KIF21B: variants seen among roughly 807,000 people sequenced by gnomAD.
KIF21B encodes the protein kinesin-like protein KIF21B.
KIF21B carries 85 observed loss-of-function variants against 192.9 expected under a neutral mutation model. The observed-to-expected ratio is 0.44, with a 90% CI of 0.37 to 0.53. The LOEUF is 0.53. Among genes scored for constraint, KIF21B ranks in the 20% least tolerant of loss-of-function variants. KIF21B has a pLI of 0.00. For synonymous variants in KIF21B, 832 were observed against 884.6 expected, an observed-to-expected ratio of 0.94 and a Z score of 1.05; for missense variants, 1,716 against 2,194.8, an observed-to-expected ratio of 0.78 and a Z score of 4.36.
intron 3 of KIF21B, 35 bp downstream of exon 3, chr1:201,008,734 G>A: frequency 1.3e-6 from 2 of 1,543,642 alleles, no homozygotes. Context: ...TGTCCACCAA[G>A]CCTCCCACCT....
rs1340174374 is a variant in KIF21B at position 200,971,277 on chromosome 1, C to T, written c.*2244G>A. On this transcript the variant is annotated 3_prime_UTR_variant, in exon 35 of 35. Coordinates refer to ENST00000461742, the MANE Select transcript of KIF21B (RefSeq NM_001252102.2). ...AAGTTTAGAGAGTCAATGACACTTGCCAGGACAGCAGAGCTGGCCCCGCCG... is the reference window on the plus strand; with the variant it reads ...AAGTTTAGAGAGTCAATGACACTTGTCAGGACAGCAGAGCTGGCCCCGCCG... 6.6e-6 allele frequency: 1 copy of T among 152,662 alleles called. No homozygotes were observed. Among genetic ancestry groups the T allele is most frequent in the African/African-American group, 2.4e-5 (1 of 41,468 alleles). 9.5% of individuals were successfully genotyped at this position (152,662 alleles called of 1,614,324 possible).
chr1:200,973,493 G>A lies in KIF21B; in HGVS notation c.*28C>T. The A allele has an allele frequency of 1.4e-6, 2 of 1,436,138 alleles. No individual in the cohort carries two copies. The highest frequency in any genetic ancestry group is 9.1e-7 in the Non-Finnish European group (1 of 1,104,348). The allele number at this position is 1,436,138 out of a possible 1,614,324, so 89.0% of individuals were successfully genotyped here. ...GGTGTCCAGGCTGCTGGGGTCGAGG[G>A]TCCGGGGGCATCCCTCTGACCTCAC... On this transcript the variant is annotated 3_prime_UTR_variant, in exon 35 of 35. Transcript: ENST00000461742.
chr1:201,021,722 A>T (rs567621386), intron 1 of KIF21B, among the ~76,000 whole-genome samples: 1 of 152,270 alleles, frequency 6.6e-6, no homozygotes, highest in Non-Finnish European at 1.5e-5. Context: ...CTCTCCAGCA[A>T]GATGGAATCT....
intron 1 of KIF21B, among the ~76,000 whole-genome samples, chr1:201,019,459 G>C (rs777926306): frequency 2.6e-5 from 4 of 152,108 alleles, no homozygotes; most frequent in Admixed American, 6.5e-5. Flanking sequence ...TGGATGAATT[G>C]CATCAGTTCC....
chr1:200,991,901 G>A (rs536168041), intron 16 of KIF21B, among the ~76,000 whole-genome samples, 176 bp from the exon 17 acceptor site: 1 of 152,376 alleles, frequency 6.6e-6, no homozygotes, highest in African/African-American at 2.4e-5. Context: ...AGGTTGCAGT[G>A]AAAACTGCTT....
rs145368552 is a variant in KIF21B, at chr1:200,999,808, G to T, written c.1767+75C>A. The T allele has an allele frequency of 6.5e-5, 99 of 1,515,466 alleles. No individual in the cohort carries two copies. The East Asian group carries it at 2.0e-3, about 31-fold the overall frequency. 93.9% of individuals were successfully genotyped at this position (1,515,466 alleles called of 1,614,324 possible). A position where few individuals can be genotyped will look rare whatever the true frequency, so the allele number is the denominator to read the frequency against. Reference sequence around the variant, plus strand: ...CCTCCTTCACTCCATACAAGGATGCGGATGGGGCCCCCGCCAACCCCAGCA... The same window carrying T: ...CCTCCTTCACTCCATACAAGGATGCTGATGGGGCCCCCGCCAACCCCAGCA... On this transcript the variant is annotated intron_variant, in intron 12 of 34. Transcript: ENST00000461742. The surrounding 1 kb of genome is among the most constrained non-coding windows in gnomAD (Gnocchi z 4.7).
At chr1:201,012,605 C>T (rs1306053600) in intron 1 of KIF21B, among the ~76,000 whole-genome samples, 1 of 151,350 alleles carries the variant, frequency 6.6e-6, no homozygotes, top group African/African-American at 2.4e-5. Context: ...CCTTCCATTC[C>T]TCAAGCTGCT....
At chr1:201,018,130 C>A (rs868500210) in intron 1 of KIF21B, among the ~76,000 whole-genome samples, 1 of 152,192 alleles carries the variant, frequency 6.6e-6, no homozygotes, top group South Asian at 2.1e-4. Flanking sequence ...GTTCTCAATA[C>A]TTTCTAGAGG....
chr1:200,995,218 T>C (rs996281448), intron 15 of KIF21B, among the ~76,000 whole-genome samples: 2 of 152,212 alleles, frequency 1.3e-5, no homozygotes, highest in African/African-American at 4.8e-5. Context: ...CAATGGCTGC[T>C]AGATGCCCCA....
chr1:200,980,669 A>C (rs958142087), intron 29 of KIF21B, among the ~76,000 whole-genome samples: 4 of 152,262 alleles, frequency 2.6e-5, no homozygotes, highest in Admixed American at 2.6e-4. Context: ...GATGTTGGGC[A>C]GTGCAAGTAC....
Position 201,004,348 on chromosome 1 carries a change from C to G in KIF21B, c.1008G>C (p.Gly336=). ...TGTTGGTCACCAGATACCTGTTGCC[C>G]CCCAGCGAATCCTGGAGGAGCCGAG... is the stretch of plus-strand genomic sequence containing the variant. ...KLTRLLQDSL[G]GNSQTIMIAC... is the part of the protein sequence containing the mutation. The change falls in exon 7 of 35, where the codon GGG becomes GGC. Residue 336 remains glycine (G), a synonymous_variant. Coordinates refer to ENST00000461742, the MANE Select transcript of KIF21B (RefSeq NM_001252102.2). The G allele has an allele frequency of 6.4e-7, 1 of 1,564,220 alleles. No homozygotes were observed. The highest frequency in any genetic ancestry group is 8.7e-7 in the Non-Finnish European group (1 of 1,153,368).
chr1:200,973,902 T>C (rs1655367760), intron 34 of KIF21B: 3 of 1,483,448 alleles, frequency 2.0e-6, no homozygotes, highest in Non-Finnish European at 1.8e-6. Flanking sequence ...CTGTTCATGC[T>C]TGGAAAAGGA....
At position 200,986,904 on chromosome 1, in the gene KIF21B, C is replaced by T. The variant is rs756134028; in HGVS notation, c.3629G>A (p.Arg1210Gln). The T allele has an allele frequency of 6.8e-6, 11 of 1,613,752 alleles. No homozygotes were observed. Among genetic ancestry groups the T allele is most frequent in the African/African-American group, 6.7e-5 (5 of 74,902 alleles). The change falls in exon 26 of 35, where the codon CGA becomes CAA. Residue 1210 changes from arginine (R) to glutamine (Q), a missense_variant. Physicochemically the swap from Arg to Gln is conservative, Grantham distance 43. This residue lies in a region of KIF21B where 580 missense variants were observed against 775.5 expected (regional missense o/e 0.75). Transcript: ENST00000461742. ...CGTCAGCGGGGACGTCTCTGTGGCT[C>T]GAGATTGCCTAGGGCTACAACAGAA... Reference protein sequence around the residue: ...TRGSTFPRQSRATETSPLTRR... With the variant: ...TRGSTFPRQSQATETSPLTRR...
intron 27 of KIF21B, among the ~76,000 whole-genome samples, chr1:200,983,390 G>A (rs1034339848): frequency 2.0e-5 from 3 of 152,104 alleles, no homozygotes; most frequent in African/African-American, 4.8e-5. Context: ...ATGGGGAGAC[G>A]TTTCCAGGGC....
Position 201,000,325 on chromosome 1 carries a change from G to A in KIF21B, c.1685+65C>T. 3 of 1,450,430 alleles carry A rather than the reference G, an allele frequency of 2.1e-6. No individual in the cohort carries two copies. Among genetic ancestry groups the A allele is most frequent in the Non-Finnish European group, 2.8e-6 (3 of 1,085,610 alleles). The allele number at this position is 1,450,430 out of a possible 1,614,324, so 89.8% of individuals were successfully genotyped here. Reference sequence around the variant, plus strand: ...CACTGGTGGGCAGCAGTCCTCCTTGGGGACGGGCAGGGTCCACTGGGGCGG... The same window carrying A: ...CACTGGTGGGCAGCAGTCCTCCTTGAGGACGGGCAGGGTCCACTGGGGCGG... On this transcript the variant is annotated intron_variant, in intron 11 of 34. Coordinates refer to ENST00000461742, the MANE Select transcript of KIF21B (RefSeq NM_001252102.2). This position sits in a 1 kb window ranked among gnomAD's most constrained non-coding sequence, Gnocchi z 6.0.
At chr1:201,008,542 A>G (rs1404347242) in intron 3 of KIF21B, among the ~76,000 whole-genome samples, 1 of 152,240 alleles carries the variant, frequency 6.6e-6, no homozygotes, top group Non-Finnish European at 1.5e-5. Flanking sequence ...TGAAGGGATC[A>G]TACAGTCATC....
At position 200,972,739 on chromosome 1, in the gene KIF21B, G is replaced by A. The variant is rs1005314804; in HGVS notation, c.*782C>T. On this transcript the variant is annotated 3_prime_UTR_variant, in exon 35 of 35. Coordinates refer to ENST00000461742, the MANE Select transcript of KIF21B (RefSeq NM_001252102.2). ...CCTCTGCAAAGCAAACAGAGGAGGCGGCCCTGGAGGGCCGGGGCAGCGGAC... is the reference window on the plus strand; with the variant it reads ...CCTCTGCAAAGCAAACAGAGGAGGCAGCCCTGGAGGGCCGGGGCAGCGGAC... 2.0e-5 allele frequency: 3 copies of A among 152,642 alleles called. No individual in the cohort carries two copies. Among genetic ancestry groups the A allele is most frequent in the African/African-American group, 2.4e-5 (1 of 41,456 alleles). The allele number at this position is 152,642 out of a possible 1,614,324, so 9.5% of individuals were successfully genotyped here.
chr1:200,999,742 T>C lies in KIF21B; in HGVS notation c.1767+141A>G. The C allele has an allele frequency of 3.3e-6, 3 of 908,890 alleles. No individual in the cohort carries two copies. Among genetic ancestry groups the C allele is most frequent in the Admixed American group, 1.9e-5 (1 of 53,964 alleles). The allele number at this position is 908,890 out of a possible 1,614,324, so 56.3% of individuals were successfully genotyped here. Reference sequence around the variant, plus strand: ...GATCACCATGGTAACCAGTCAGAGATATAAGGAAGTACAAGGATCAACTGG... The same window carrying C: ...GATCACCATGGTAACCAGTCAGAGACATAAGGAAGTACAAGGATCAACTGG... On this transcript the variant is annotated intron_variant, in intron 12 of 34. Coordinates refer to ENST00000461742, the MANE Select transcript of KIF21B (RefSeq NM_001252102.2). The surrounding 1 kb of genome is among the most constrained non-coding windows in gnomAD (Gnocchi z 4.7).
chr1:200,984,833 C>T, intron 27 of KIF21B, 26 bp downstream of exon 27: 5 of 1,489,450 alleles, frequency 3.4e-6, no homozygotes, highest in Non-Finnish European at 4.5e-6. Flanking sequence ...AGTGCCCTCC[C>T]CCACTTGCCC....
Sources: allele counts gnomAD v4.1 joint callset (sites outside exome capture counted in the v4.1 genomes callset), GRCh38; gene constraint gnomAD v4.1.1; regional missense constraint gnomAD v4.1.1; non-coding constraint Gnocchi (gnomAD v3.1); transcripts MANE v1.5; gene names NCBI Gene and HGNC (gene_info 2026-07-23, HGNC 2026-07-21).